ANKS1B: variants seen among roughly 807,000 people sequenced by gnomAD.
The protein encoded by ANKS1B is ankyrin repeat and sterile alpha motif domain-containing protein 1B.
In ANKS1B, 36 loss-of-function variants were observed where a neutral mutation model predicts 148.3. The observed-to-expected ratio is 0.24, with a 90% confidence interval of 0.19 to 0.32. ANKS1B has a LOEUF of 0.32. Ranked by LOEUF, ANKS1B falls within the 10% of genes least tolerant of loss-of-function variation. The pLI, the probability that ANKS1B is intolerant of heterozygous loss-of-function variation, is 1.00. For synonymous variants in ANKS1B, 542 were observed against 560.8 expected (o/e 0.97, Z 0.47); for missense variants, 1,157 against 1,542.6 (o/e 0.75, Z 4.19).
At chr12:98,844,631 C>T (rs2153734196) in intron 17 of ANKS1B, among the ~76,000 whole-genome samples, 1 of 152,264 alleles carries the variant, frequency 6.6e-6, no homozygotes, top group South Asian at 2.1e-4. Flanking sequence ...CTTTCATTAT[C>T]TGCAAGATGG....
intron 17 of ANKS1B, among the ~76,000 whole-genome samples, chr12:98,871,013 T>C (rs1191357033): frequency 2.6e-5 from 4 of 152,210 alleles, no homozygotes; most frequent in African/African-American, 9.7e-5. Context: ...TGATAAAAAT[T>C]TCTTCCCACC....
rs147029713 is a variant in ANKS1B, at chr12:99,152,649, C to A, written c.2526+1640G>T. Among the ~76,000 whole-genome samples the A allele has an allele frequency of 4.2e-4, 64 of 152,174 alleles. 1 individual carries two copies. The East Asian group carries it at 0.011, about 26-fold the overall frequency. On this transcript the variant is annotated intron_variant, in intron 15 of 26. Transcript: ENST00000683438. ...GAGGAAAAATAAGCTGAATTAAAGT[C>A]TTTCAGCTTGGCCAAATGATCCAGG...
intron 16 of ANKS1B, chr12:99,079,785 T>C (rs1168268594): frequency 6.6e-6 from 1 of 151,966 alleles, no homozygotes; most frequent in Non-Finnish European, 1.5e-5. Flanking sequence ...GTTATAATTC[T>C]CTCTGCTTGC....
intron 14 of ANKS1B, among the ~76,000 whole-genome samples, chr12:99,233,333 G>A (rs937917760): frequency 2.6e-5 from 4 of 152,060 alleles, no homozygotes; most frequent in Admixed American, 6.6e-5. Context: ...GAGTTTCTAG[G>A]TGAGGAAGTT....
At chr12:98,739,253 A>G (rs181682354), downstream of ANKS1B, among the ~76,000 whole-genome samples, 1 of 152,206 alleles carries the variant, frequency 6.6e-6, no homozygotes, top group Admixed American at 6.5e-5. Flanking sequence ...ACTCACTTGC[A>G]TCAGGACAGA....
chr12:99,568,417 TG>T (rs2097419808), intron 9 of ANKS1B, among the ~76,000 whole-genome samples: 1 of 152,196 alleles, frequency 6.6e-6, no homozygotes, highest in South Asian at 2.1e-4. Context: ...TACTCACACC[TG>T]CAAAATCTCT....
rs200254322 is a variant in ANKS1B, at chr12:99,055,726, G to T, written c.2626-2417C>A. On this transcript the variant is annotated intron_variant, in intron 16 of 26. Transcript: ENST00000683438. ...CCTTAGGGGAAGTCTAAACTTGGGG[G>T]GGGGGGAGGTGGTGAGGAAAATAAA... 6.5e-4 allele frequency among the ~76,000 whole-genome samples: 98 copies of T among 150,516 alleles called. 3 individuals carry two copies. The highest frequency in any genetic ancestry group is 9.3e-4 in the Admixed American group (14 of 15,132).
chr12:99,476,452 A>T (rs915266478), intron 10 of ANKS1B, among the ~76,000 whole-genome samples: 1 of 152,166 alleles, frequency 6.6e-6, no homozygotes, highest in African/African-American at 2.4e-5. Context: ...GAAAAATGAC[A>T]AATTGAGAAA....
chr12:99,311,368 G>A (rs929864204), intron 12 of ANKS1B, among the ~76,000 whole-genome samples: 1 of 151,998 alleles, frequency 6.6e-6, no homozygotes, highest in African/African-American at 2.4e-5. Context: ...AGAGAAAGGG[G>A]GACAGTTTAA....
chr12:99,084,787 T>C (rs978649836), intron 16 of ANKS1B, 138 bp downstream of exon 16: 14 of 626,784 alleles, frequency 2.2e-5, no homozygotes, highest in Non-Finnish European at 3.9e-5. Context: ...GAATGTGCAG[T>C]TGGACCTAAG....
chr12:98,738,345 T>G (rs1196070434), intron 9 of ANKS1B, among the ~76,000 whole-genome samples: 1 of 152,200 alleles, frequency 6.6e-6, no homozygotes, highest in Non-Finnish European at 1.5e-5. Context: ...GCCTCTGTAA[T>G]TTCCATCACC....
At position 99,779,919 on chromosome 12, in the gene ANKS1B, T is replaced by C; in HGVS notation, c.799A>G (p.Lys267Glu). The C allele has an allele frequency of 6.2e-7, 1 of 1,612,636 alleles. No homozygotes were observed. The highest frequency in any genetic ancestry group is 1.3e-5 in the African/African-American group (1 of 74,954). The change falls in exon 6 of 27, where the codon AAA becomes GAA. Residue 267 changes from lysine to glutamate, a missense_variant. This residue lies in a region of ANKS1B where 661 missense variants were observed against 642.1 expected (regional missense o/e 1.03). Coordinates refer to ENST00000683438, the MANE Select transcript of ANKS1B (RefSeq NM_001352186.2). ...SLGRTVLDIL[K>E]EHPSQKSLQI... ...AGAGATTTCTGAGATGGATGTTCTT[T>C]CAGAATGTCCAAGACAGTTCTACCT...
intron 9 of ANKS1B, among the ~76,000 whole-genome samples, chr12:99,507,082 A>G (rs2096719250): frequency 6.6e-6 from 1 of 151,966 alleles, no homozygotes; most frequent in South Asian, 2.1e-4. Flanking sequence ...AGCTAACTAC[A>G]AGTTATGGAA....
At chr12:99,876,312 T>C (rs1449890443) in intron 1 of ANKS1B, among the ~76,000 whole-genome samples, 1 of 152,194 alleles carries the variant, frequency 6.6e-6, no homozygotes, top group Non-Finnish European at 1.5e-5. Flanking sequence ...CACAAAGTTG[T>C]GCAGCACCCA....
chr12:99,978,260 CTG>C (rs1248152821), intron 1 of ANKS1B, among the ~76,000 whole-genome samples: 2 of 152,240 alleles, frequency 1.3e-5, no homozygotes, highest in East Asian at 1.9e-4. Flanking sequence ...ACACAAGAAA[CTG>C]TGCAATGGAT....
chr12:98,855,051 C>A (rs1022845221), intron 17 of ANKS1B, among the ~76,000 whole-genome samples: 3 of 150,790 alleles, frequency 2.0e-5, no homozygotes, highest in African/African-American at 7.3e-5. Context: ...CCTAGCTACT[C>A]GGGAGGCTGA....
At chr12:99,663,788 T>C (rs2098490514) in intron 8 of ANKS1B, among the ~76,000 whole-genome samples, 1 of 152,154 alleles carries the variant, frequency 6.6e-6, no homozygotes, top group South Asian at 2.1e-4. Context: ...CAAGAAATAT[T>C]GAACAAGAAA....
chr12:99,812,546 CACACACACACACAGAGAG>C (rs1348763661), intron 2 of ANKS1B, among the ~76,000 whole-genome samples: 16 of 95,922 alleles, frequency 1.7e-4, no homozygotes, highest in African/African-American at 6.0e-4. Context: ...CACACACACA[CACACACACACACAGAGAG>C]AGAGAGAGAG....
At chr12:99,930,514 G>A (rs1219199788) in intron 1 of ANKS1B, among the ~76,000 whole-genome samples, 1 of 152,018 alleles carries the variant, frequency 6.6e-6, no homozygotes, top group Non-Finnish European at 1.5e-5. Context: ...TGATTGCCCT[G>A]GCCAGAACTT....
Sources: allele counts gnomAD v4.1 joint callset (sites outside exome capture counted in the v4.1 genomes callset), GRCh38; gene constraint gnomAD v4.1.1; regional missense constraint gnomAD v4.1.1; transcripts MANE v1.5; gene names NCBI Gene and HGNC (gene_info 2026-07-23, HGNC 2026-07-21).